The following CEP128 variants were observed in gnomAD, a reference collection of about 807,000 sequenced individuals.
CEP128 encodes the protein centrosomal protein 128.
A neutral mutation model predicts 156.7 loss-of-function variants in CEP128; 132 were observed. The ratio of observed to expected loss-of-function variants is 0.84; its 90% CI spans 0.73 to 0.97. The LOEUF (loss-of-function observed/expected upper bound fraction) is 0.97, where lower values mean the gene tolerates loss of function less well. CEP128 is among the 50% of genes least tolerant of loss of function. The pLI is 0.00. For synonymous variants in CEP128, 469 were observed against 448.9 expected (o/e 1.04, Z -0.57); for missense variants, 1,252 against 1,281.9 (o/e 0.98, Z 0.36).
intron 19 of CEP128, among the ~76,000 whole-genome samples, chr14:80,630,605 A>G (rs776803646): frequency 5.3e-5 from 8 of 152,096 alleles, no homozygotes; most frequent in Non-Finnish European, 1.0e-4. Context: ...CACTTGATAC[A>G]GTAATATACA....
At chr14:80,910,508 C>A (rs1884145888) in intron 4 of CEP128, among the ~76,000 whole-genome samples, 1 of 152,144 alleles carries the variant, frequency 6.6e-6, no homozygotes, top group Admixed American at 6.5e-5. Flanking sequence ...CTACTCCGGC[C>A]ATGTGATGTG....
At chr14:80,782,254 G>A (rs953308330) in intron 15 of CEP128, among the ~76,000 whole-genome samples, 4 of 152,104 alleles carry the variant, frequency 2.6e-5, no homozygotes, top group African/African-American at 7.2e-5. Context: ...AAAGTTATTT[G>A]ACCTGTTCTT....
At chr14:80,619,466 G>A (rs1014552132) in intron 19 of CEP128, among the ~76,000 whole-genome samples, 15 of 151,378 alleles carry the variant, frequency 9.9e-5, no homozygotes, top group Admixed American at 2.6e-4. Flanking sequence ...TAGGGAGACC[G>A]AAGTGGGTGG....
chr14:80,923,191 C>T lies in CEP128; in HGVS notation c.-15-6629G>A, dbSNP rs1045613922. The stretch of plus-strand genomic sequence containing the variant: ...ATATTGTTGCTTCTGTCTTAATGAA[C>T]CTTATAAAGAAGAAATACAGCCACC... On this transcript the variant is annotated intron_variant, in intron 2 of 24. Transcript: ENST00000555265. 2.6e-5 allele frequency among the ~76,000 whole-genome samples: 4 copies of T among 152,164 alleles called. No individual in the cohort carries two copies. In the East Asian group the frequency reaches 7.7e-4, roughly 29 times the overall value.
chr14:80,682,859 G>A (rs1896377005), intron 19 of CEP128, among the ~76,000 whole-genome samples: 1 of 152,122 alleles, frequency 6.6e-6, no homozygotes, highest in Admixed American at 6.5e-5. Context: ...CATAAGCAAA[G>A]GAGAAATAAT....
At chr14:80,908,753 A>G (rs1040497661) in intron 4 of CEP128, among the ~76,000 whole-genome samples, 2 of 152,230 alleles carry the variant, frequency 1.3e-5, no homozygotes, top group South Asian at 4.1e-4. Flanking sequence ...AAAGTTCTAG[A>G]GGATGACATC....
At chr14:80,952,305 A>G (rs1457047536) in intron 2 of CEP128, among the ~76,000 whole-genome samples, 2 of 152,164 alleles carry the variant, frequency 1.3e-5, no homozygotes, top group East Asian at 3.8e-4. Flanking sequence ...CAAGTTATAC[A>G]AACTATTTTC....
chr14:80,542,879 A>C (rs1889826686), intron 21 of CEP128, among the ~76,000 whole-genome samples: 1 of 152,180 alleles, frequency 6.6e-6, no homozygotes. Context: ...TGATTTATTT[A>C]AAAGCGCCTT....
At chr14:80,508,207 C>T (rs376259161) in intron 23 of CEP128, among the ~76,000 whole-genome samples, 29 of 152,142 alleles carry the variant, frequency 1.9e-4, no homozygotes, top group Admixed American at 4.6e-4. Flanking sequence ...TGAGCCACCG[C>T]GCCTGGCCTA....
At chr14:80,944,687 C>T (rs1401927173), upstream of CEP128, among the ~76,000 whole-genome samples, 8 of 151,202 alleles carry the variant, frequency 5.3e-5, no homozygotes, top group East Asian at 1.9e-4. Flanking sequence ...CCAGGTGTGG[C>T]GGCGGGTGCC....
chr14:80,932,185 C>T (rs1174803993), intron 2 of CEP128, among the ~76,000 whole-genome samples: 2 of 152,242 alleles, frequency 1.3e-5, no homozygotes, highest in Admixed American at 6.5e-5. Context: ...GAGGCCTCCG[C>T]AGCCATGCGG....
intron 20 of CEP128, among the ~76,000 whole-genome samples, chr14:80,564,037 G>A (rs939233636): frequency 1.3e-5 from 2 of 152,106 alleles, no homozygotes; most frequent in Non-Finnish European, 2.9e-5. Context: ...AATTCTAAGT[G>A]GGAGTGAAGG....
At chr14:80,721,521 G>GT (rs1449200137) in intron 19 of CEP128, among the ~76,000 whole-genome samples, 2 of 152,126 alleles carry the variant, frequency 1.3e-5, no homozygotes, top group Non-Finnish European at 1.5e-5. Flanking sequence ...TTGATTATAT[G>GT]TTGAAGTGAT....
At chr14:80,574,588 T>A (rs79337871) in intron 20 of CEP128, among the ~76,000 whole-genome samples, 3,545 of 152,284 alleles carry the variant, frequency 0.023, 142 homozygotes, top group African/African-American at 0.082. Context: ...CTGCCCGGTT[T>A]ATCTCCAACA....
chr14:80,835,958 C>A (rs1425450443), intron 12 of CEP128, among the ~76,000 whole-genome samples: 1 of 152,132 alleles, frequency 6.6e-6, no homozygotes, highest in Non-Finnish European at 1.5e-5. Context: ...CAGGCTCTTT[C>A]TAAGAGAAAG....
intron 19 of CEP128, among the ~76,000 whole-genome samples, chr14:80,654,885 T>C (rs1895063947): frequency 6.6e-6 from 1 of 152,120 alleles, no homozygotes; most frequent in Non-Finnish European, 1.5e-5. Context: ...TCTTCCAGAC[T>C]TCAGTGTCAC....
At chr14:80,874,191 G>A (rs1263654425) in intron 8 of CEP128, among the ~76,000 whole-genome samples, 2 of 152,056 alleles carry the variant, frequency 1.3e-5, no homozygotes, top group Non-Finnish European at 2.9e-5. Context: ...GGGTGCAGTG[G>A]GGTGGCTCAC....
intron 24 of CEP128, among the ~76,000 whole-genome samples, chr14:80,499,036 A>C (rs1887620515): frequency 2.0e-5 from 3 of 152,358 alleles, no homozygotes; most frequent in Middle Eastern, 6.8e-3. Flanking sequence ...ACATAAAATA[A>C]ATCTGTAATC....
rs139747122 is a variant in CEP128 at position 80,526,935 on chromosome 14, G to A, written c.3006C>T (p.Tyr1002=). ...SERTDGRYSK[Y]RVRRNSLQHH... is the part of the protein sequence containing the mutation. Reference sequence around the variant, plus strand: ...GCTGAAGAGAATTTCTGCGAACCCTGTATTTGGAATATCTTCCATCAGTTC... The same window carrying A: ...GCTGAAGAGAATTTCTGCGAACCCTATATTTGGAATATCTTCCATCAGTTC... Residue 1002 remains tyrosine, a synonymous_variant, in exon 23 of 25, where the codon TAC becomes TAT. Coordinates refer to ENST00000555265, the MANE Select transcript of CEP128 (RefSeq NM_152446.5). 5.0e-6 allele frequency: 8 copies of A among 1,607,510 alleles called. No individual in the cohort carries two copies. The African/African-American group carries it at 6.7e-5, about 14-fold the overall frequency.
Sources: allele counts gnomAD v4.1 joint callset (sites outside exome capture counted in the v4.1 genomes callset), GRCh38; gene constraint gnomAD v4.1.1; transcripts MANE v1.5; gene names NCBI Gene and HGNC (gene_info 2026-07-23, HGNC 2026-07-21).